Variants in CLSTN2 observed in about 807,000 individuals in gnomAD.
CLSTN2 encodes calsyntenin-2.
Under a neutral mutation model 101.2 loss-of-function variants are expected in CLSTN2, and 48 were observed. The observed-to-expected ratio is 0.47, with a 90% CI of 0.38 to 0.60. CLSTN2 has a LOEUF of 0.60. Among genes scored for constraint, CLSTN2 ranks in the 20% least tolerant of loss-of-function variants. The probability of loss-of-function intolerance (pLI) is 0.00; values close to 1 mark genes in which losing one functional copy is unlikely to be tolerated. For missense variants in CLSTN2, 1,160 were observed against 1,238.2 expected (o/e 0.94, Z 0.95); for synonymous variants, 481 against 463.6 (o/e 1.04, Z -0.48).
chr3:140,052,462 T>G (rs1252576427), intron 1 of CLSTN2, among the ~76,000 whole-genome samples: 1 of 152,196 alleles, frequency 6.6e-6, no homozygotes, highest in Non-Finnish European at 1.5e-5. Flanking sequence ...GGCCAATATT[T>G]CTGTTATTAA....
chr3:139,952,197 T>C (rs1935306608), intron 1 of CLSTN2, among the ~76,000 whole-genome samples: 1 of 152,260 alleles, frequency 6.6e-6, no homozygotes, highest in Non-Finnish European at 1.5e-5. Flanking sequence ...TTCAGGGCAC[T>C]AAGGGATGTA....
At chr3:140,383,120 T>C (rs2088005170) in intron 2 of CLSTN2, among the ~76,000 whole-genome samples, 1 of 152,168 alleles carries the variant, frequency 6.6e-6, no homozygotes, top group Non-Finnish European at 1.5e-5. Context: ...GATAGTAAAA[T>C]GACTTTATTA....
At position 140,568,842 on chromosome 3, in the gene CLSTN2, G is replaced by GA. The variant is rs2107797639; in HGVS notation, c.*2589_*2590insA. ...TATATGTGTTGGGGTTTTTTTGGTA[G>GA]GGGGGGTAGCAGGTAAAGGTGGCCC... On this transcript the variant is annotated 3_prime_UTR_variant, in exon 17 of 17. Coordinates refer to ENST00000458420, the MANE Select transcript of CLSTN2 (RefSeq NM_022131.3). 1 of 152,064 alleles carries GA rather than the reference G, an allele frequency of 6.6e-6. No individual in the cohort carries two copies. The highest frequency in any genetic ancestry group is 1.5e-5 in the Non-Finnish European group (1 of 68,030). 9.4% of individuals were successfully genotyped at this position (152,064 alleles called of 1,614,324 possible). A position where few individuals can be genotyped will look rare whatever the true frequency, so the allele number is the denominator to read the frequency against.
chr3:140,142,950 A>G (rs898088662), intron 1 of CLSTN2, among the ~76,000 whole-genome samples: 10 of 152,178 alleles, frequency 6.6e-5, no homozygotes, highest in African/African-American at 9.7e-5. Context: ...TAGCAGATCA[A>G]CTTGGACTTG....
chr3:139,983,401 G>A lies in CLSTN2; in HGVS notation c.109+47918G>A, dbSNP rs528928927. 3.9e-5 allele frequency among the ~76,000 whole-genome samples: 6 copies of A among 152,216 alleles called. No homozygotes were observed. In the East Asian group the frequency reaches 1.2e-3, roughly 29 times the overall value. On this transcript the variant is annotated intron_variant, in intron 1 of 16. Transcript: ENST00000458420. ...CTCATCTGGAGAAATATGCCTGAAA[G>A]CACTCCAAAGAGAGAAAAGAGCTTT...
intron 2 of CLSTN2, among the ~76,000 whole-genome samples, chr3:140,219,068 C>T (rs1176138681): frequency 6.6e-6 from 1 of 151,972 alleles, no homozygotes; most frequent in Non-Finnish European, 1.5e-5. Context: ...TCCATCCACG[C>T]CCTGGTCCAT....
intron 2 of CLSTN2, among the ~76,000 whole-genome samples, chr3:140,283,580 TAC>T (rs1449764040): frequency 6.6e-6 from 1 of 152,142 alleles, no homozygotes; most frequent in Admixed American, 6.5e-5. Flanking sequence ...GCCACACTGG[TAC>T]CCTGGACTCC....
chr3:140,092,700 T>C lies in CLSTN2; in HGVS notation c.110-83251T>C, dbSNP rs113296738. On this transcript the variant is annotated intron_variant, in intron 1 of 16. Transcript: ENST00000458420. ...GTCTGATCCCTGCTCTCAAACCTGA[T>C]TCCTGTGGACTCGAGCAAGTTAATT... Among the ~76,000 whole-genome samples, 143 of 152,300 alleles carry C rather than the reference T, an allele frequency of 9.4e-4. 1 individual carries two copies. Among genetic ancestry groups the C allele is most frequent in the African/African-American group, 3.4e-3 (142 of 41,568 alleles).
intron 5 of CLSTN2, among the ~76,000 whole-genome samples, chr3:140,435,752 A>G (rs2088679975): frequency 1.3e-5 from 2 of 152,264 alleles, no homozygotes; most frequent in Middle Eastern, 3.4e-3. Context: ...TCTTTTGGAT[A>G]TGGGCCATTT....
chr3:140,478,711 C>T (rs4683500), intron 8 of CLSTN2, among the ~76,000 whole-genome samples: 9,575 of 150,400 alleles, frequency 0.064, 727 homozygotes, highest in East Asian at 0.31. Context: ...ACACTTACAA[C>T]GAGTGAATCT....
At chr3:140,261,069 C>T (rs2086649962) in intron 2 of CLSTN2, among the ~76,000 whole-genome samples, 1 of 152,114 alleles carries the variant, frequency 6.6e-6, no homozygotes, top group Non-Finnish European at 1.5e-5. Context: ...TTTGTTAGGT[C>T]TCCTCGCTAT....
At chr3:140,447,170 T>G (rs1933102245) in intron 5 of CLSTN2, among the ~76,000 whole-genome samples, 1 of 152,230 alleles carries the variant, frequency 6.6e-6, no homozygotes, top group Admixed American at 6.5e-5. Context: ...GTCAGGCAAC[T>G]TTATAGATTT....
intron 1 of CLSTN2, among the ~76,000 whole-genome samples, chr3:140,002,553 T>G (rs781237372): frequency 2.0e-5 from 3 of 152,208 alleles, no homozygotes; most frequent in Non-Finnish European, 4.4e-5. Context: ...GTGCAGAAGC[T>G]TTTTAATTTG....
chr3:140,487,198 G>C (rs1419725858), intron 8 of CLSTN2, among the ~76,000 whole-genome samples: 1 of 152,246 alleles, frequency 6.6e-6, no homozygotes, highest in Non-Finnish European at 1.5e-5. Flanking sequence ...TAAATTAGAT[G>C]TTTGAAGGGG....
At chr3:140,248,560 C>G (rs1371324325) in intron 2 of CLSTN2, among the ~76,000 whole-genome samples, 1 of 152,120 alleles carries the variant, frequency 6.6e-6, no homozygotes, top group East Asian at 1.9e-4. Context: ...GGAAGACAAT[C>G]GTTGGCAGTT....
At chr3:140,224,085 C>T (rs2086298359) in intron 2 of CLSTN2, among the ~76,000 whole-genome samples, 1 of 152,080 alleles carries the variant, frequency 6.6e-6, no homozygotes, top group Non-Finnish European at 1.5e-5. Flanking sequence ...TGAGTGGTCC[C>T]CGGGTATGTT....
chr3:140,546,617 G>A lies in CLSTN2; in HGVS notation c.1610G>A (p.Cys537Tyr), dbSNP rs760387358. The change falls in exon 10 of 17, where the codon TGC becomes TAC. Residue 537 changes from cysteine (C) to tyrosine (Y), a missense_variant. By Grantham distance (194) the Cys-to-Tyr change is radical (BLOSUM62 -2). Coordinates refer to ENST00000458420, the MANE Select transcript of CLSTN2 (RefSeq NM_022131.3). Reference protein sequence around the residue: ...GKMESQKVISCLQACKEGLDI... With the variant: ...GKMESQKVISYLQACKEGLDI... ...ATGGAAAGCCAGAAGGTGATCTCCT[G>A]CCTGCAGGCCTGCAAGGAAGGGCTG... The A allele has an allele frequency of 1.2e-6, 2 of 1,613,980 alleles. No homozygotes were observed. The highest frequency in any genetic ancestry group is 1.1e-5 in the South Asian group (1 of 91,068).
intron 16 of CLSTN2, 95 bp from the exon 17 acceptor site, chr3:140,565,958 C>A: frequency 6.8e-7 from 1 of 1,469,528 alleles, no homozygotes; most frequent in African/African-American, 1.4e-5. Context: ...TCCAAGGGGC[C>A]GTAAATGTTT....
chr3:140,423,983 C>T (rs1018305512), intron 5 of CLSTN2, among the ~76,000 whole-genome samples: 10 of 152,288 alleles, frequency 6.6e-5, no homozygotes, highest in Admixed American at 5.2e-4. Flanking sequence ...GCTCTCATGG[C>T]GACTGGCCAA....
Sources: allele counts gnomAD v4.1 joint callset (sites outside exome capture counted in the v4.1 genomes callset), GRCh38; gene constraint gnomAD v4.1.1; transcripts MANE v1.5; gene names NCBI Gene and HGNC (gene_info 2026-07-23, HGNC 2026-07-21).